Variants in ZNF185 observed in about 807,000 individuals in gnomAD.
The protein encoded by ZNF185 is zinc finger protein 185.
Under a neutral mutation model 58.6 loss-of-function variants are expected in ZNF185, and 56 were observed. The observed-to-expected ratio is 0.95, with a 90% CI of 0.77 to 1.19. ZNF185 has a LOEUF of 1.19. Among genes scored for constraint, ZNF185 ranks in the 50% most tolerant of loss-of-function variants. The pLI, the probability that ZNF185 is intolerant of heterozygous loss-of-function variation, is 0.00. For missense variants in ZNF185, 627 were observed against 573.5 expected, an observed-to-expected ratio of 1.09 and a Z score of -0.95; for synonymous variants, 230 against 215.9, an observed-to-expected ratio of 1.07 and a Z score of -0.57.
chrX:152,950,017 C>G (rs1288656756), intron 16 of ZNF185, among the ~76,000 whole-genome samples: 3 of 111,645 alleles, frequency 2.7e-5, no homozygotes, highest in Non-Finnish European at 5.6e-5. Context: ...TCCACTGTTT[C>G]CATCATTTCA....
intron 15 of ZNF185, chrX:152,941,657 C>G (rs1556889617): frequency 1.7e-6 from 2 of 1,158,280 alleles, no homozygotes; most frequent in East Asian, 3.3e-5. Flanking sequence ...TCTTGAAGCC[C>G]CGAACTCGGT....
intron 14 of ZNF185, chrX:152,936,475 C>G: frequency 8.6e-7 from 1 of 1,166,583 alleles, no homozygotes; most frequent in Non-Finnish European, 1.1e-6. Context: ...GGCACAGTGC[C>G]AACTCTCAGT....
intron 16 of ZNF185, among the ~76,000 whole-genome samples, chrX:152,956,044 G>A (rs959752715): frequency 1.2e-4 from 13 of 112,123 alleles, no homozygotes; most frequent in African/African-American, 3.9e-4. Flanking sequence ...TCATTCATAG[G>A]TTATGATGTC....
At chrX:152,928,938 G>T (rs1376810789) in intron 12 of ZNF185, among the ~76,000 whole-genome samples, 7 of 113,136 alleles carry the variant, frequency 6.2e-5, no homozygotes, top group Admixed American at 1.9e-4. Flanking sequence ...CATCTGCCTG[G>T]TGGGGGAGGC....
Position 152,967,151 on chromosome X carries a change from A to G in ZNF185, c.1800-16A>G, listed in dbSNP as rs781899147. The G allele has an allele frequency of 1.8e-5, 22 of 1,206,384 alleles. No homozygotes were observed. The highest frequency in any genetic ancestry group is 2.2e-5 in the Non-Finnish European group (20 of 892,807). Reference sequence around the variant, plus strand: ...TCTCATCTCTGCCCTCCTCTCCCCTATCAAACTCCCTGCAGCGTCAGCAGC... The same window carrying G: ...TCTCATCTCTGCCCTCCTCTCCCCTGTCAAACTCCCTGCAGCGTCAGCAGC... On this transcript the variant is annotated splice_polypyrimidine_tract_variant and intron_variant, in intron 19 of 22. Transcript: ENST00000449285.
At chrX:152,942,008 C>G (rs1183402611) in intron 15 of ZNF185, among the ~76,000 whole-genome samples, 3 of 111,556 alleles carry the variant, frequency 2.7e-5, no homozygotes, top group African/African-American at 9.9e-5. Flanking sequence ...TCAGGGCTGC[C>G]CAGGGGGAGG....
chrX:152,925,593 A>G (rs1322153536), intron 11 of ZNF185, among the ~76,000 whole-genome samples: 3 of 111,405 alleles, frequency 2.7e-5, no homozygotes, highest in African/African-American at 9.8e-5. Flanking sequence ...TCACCCAGGC[A>G]GCTTCCAGGA....
chrX:152,948,708 GTTC>G (rs1220432702), intron 16 of ZNF185, among the ~76,000 whole-genome samples: 5 of 112,317 alleles, frequency 4.5e-5, no homozygotes, highest in Admixed American at 2.8e-4. Context: ...TGTCCTGTGA[GTTC>G]TTCTTGTGAA....
chrX:152,940,105 G>C (rs974798077), intron 15 of ZNF185, among the ~76,000 whole-genome samples: 3 of 111,024 alleles, frequency 2.7e-5, no homozygotes, highest in Admixed American at 1.9e-4. Context: ...CTTGATTACA[G>C]TGTTTCACAA....
the ZNF185 span, among the ~76,000 whole-genome samples, chrX:152,899,455 C>T: frequency 8.8e-6 from 1 of 113,036 alleles, no homozygotes; most frequent in East Asian, 2.8e-4. Context: ...TTCCCCTCAT[C>T]GCTCCCAGGC....
intron 15 of ZNF185, among the ~76,000 whole-genome samples, chrX:152,944,370 T>A (rs1325451336): frequency 2.7e-5 from 3 of 112,487 alleles, no homozygotes; most frequent in Admixed American, 9.3e-5. Flanking sequence ...GCTGGTGATG[T>A]TGGGAAGGTT....
At chrX:152,941,050 G>A (rs2047121819) in intron 15 of ZNF185, among the ~76,000 whole-genome samples, 1 of 112,191 alleles carries the variant, frequency 8.9e-6, no homozygotes, top group African/African-American at 3.2e-5. Context: ...CATTCAGCTG[G>A]GGAGCTTAGA....
At chrX:152,938,481 C>T (rs782303070) in intron 15 of ZNF185, among the ~76,000 whole-genome samples, 2 of 112,211 alleles carry the variant, frequency 1.8e-5, no homozygotes, top group South Asian at 7.4e-4. Flanking sequence ...CCTCCAGGAA[C>T]TCTCAGGCAG....
the ZNF185 span, among the ~76,000 whole-genome samples, chrX:152,898,108 A>ACCGCGCCCCGCGCCCCGCGCC: frequency 0.013 from 1,349 of 104,088 alleles, 11 homozygotes; most frequent in African/African-American, 0.022. Flanking sequence ...CCCGCTGTGC[A>ACCGCGCCCCGCGCCCCGCGCC]CCGCGCCCCG....
upstream of ZNF185, among the ~76,000 whole-genome samples, chrX:152,909,571 C>T (rs183119408): frequency 7.1e-4 from 80 of 112,480 alleles, no homozygotes; most frequent in Middle Eastern, 9.2e-3. Flanking sequence ...ACGGAGAAGC[C>T]GGCCTCCTGC....
At chrX:152,968,550 G>A (rs1255622329) in intron 20 of ZNF185, among the ~76,000 whole-genome samples, 1 of 112,804 alleles carries the variant, frequency 8.9e-6, no homozygotes, top group Non-Finnish European at 1.9e-5. Flanking sequence ...TGAGGGCAAG[G>A]ATTTCAAGCA....
intron 9 of ZNF185, among the ~76,000 whole-genome samples, 190 bp downstream of exon 10, chrX:152,920,938 G>T (rs1432472844): frequency 4.4e-5 from 5 of 112,651 alleles, no homozygotes; most frequent in Non-Finnish European, 9.4e-5. Context: ...GGTGGCTGTG[G>T]TAGCATATGT....
At chrX:152,924,625 T>G (rs1376596261) in intron 11 of ZNF185, among the ~76,000 whole-genome samples, 2 of 112,248 alleles carry the variant, frequency 1.8e-5, no homozygotes, top group Non-Finnish European at 3.8e-5. Context: ...TCTCCTTATT[T>G]CTCTTTTAAA....
At chrX:152,936,486 C>A in intron 14 of ZNF185, 1 of 1,166,587 alleles carries the variant, frequency 8.6e-7, no homozygotes, top group Non-Finnish European at 1.1e-6. Context: ...AACTCTCAGT[C>A]CTGCAAGCCT....
Sources: gnomAD v4.1 joint callset for allele counts (sites outside exome capture counted in the v4.1 genomes callset) on GRCh38, gnomAD v4.1.1 for gene constraint, MANE v1.5 for transcripts, NCBI Gene and HGNC (gene_info 2026-07-23, HGNC 2026-07-21) for gene names.